Variants in NFATC3 observed in about 807,000 individuals in gnomAD.
NFATC3 encodes nuclear factor of activated T cells 3.
NFATC3 carries 46 observed loss-of-function variants against 98.6 expected under a neutral mutation model. That is an observed-to-expected ratio of 0.47 (90% CI 0.37 to 0.60). The LOEUF is 0.60. Ranked by LOEUF, NFATC3 falls within the 20% of genes least tolerant of loss-of-function variation. The probability of loss-of-function intolerance (pLI) is 0.00; values close to 1 mark genes in which losing one functional copy is unlikely to be tolerated. For synonymous variants in NFATC3, 512 were observed against 472.2 expected (o/e 1.08, Z -1.09); for missense variants, 1,256 against 1,295.5 (o/e 0.97, Z 0.47).
At chr16:68,113,084 T>G (rs1307946742) in intron 1 of NFATC3, among the ~76,000 whole-genome samples, 1 of 152,178 alleles carries the variant, frequency 6.6e-6, no homozygotes, top group Non-Finnish European at 1.5e-5. Flanking sequence ...GAAGCCTACT[T>G]CTGTCAATTC....
chr16:68,112,646 GTTTTT>G (rs914607835), intron 1 of NFATC3, among the ~76,000 whole-genome samples: 3 of 97,644 alleles, frequency 3.1e-5, no homozygotes, highest in Non-Finnish European at 5.7e-5. Flanking sequence ...TTTCTTTTTC[GTTTTT>G]TTTTTTTTTT....
At chr16:68,206,349 G>T in intron 9 of NFATC3, among the ~76,000 whole-genome samples, 1 of 152,148 alleles carries the variant, frequency 6.6e-6, no homozygotes, top group Non-Finnish European at 1.5e-5. Context: ...ATTTCCAGAA[G>T]TTTTTCATCA....
chr16:68,176,034 G>A (rs917519063), intron 6 of NFATC3, among the ~76,000 whole-genome samples: 1 of 150,344 alleles, frequency 6.7e-6, no homozygotes, highest in Non-Finnish European at 1.5e-5. Context: ...GCTGGAGTGC[G>A]GTGGCACTAT....
intron 2 of NFATC3, among the ~76,000 whole-genome samples, chr16:68,123,821 C>CA (rs1344028353): frequency 7.4e-6 from 1 of 134,842 alleles, no homozygotes; most frequent in Non-Finnish European, 1.8e-5. Flanking sequence ...CGTGTCTCTA[C>CA]AAAAAATACA....
At position 68,221,652 on chromosome 16, in the gene NFATC3, G is replaced by A. The variant is rs911734967; in HGVS notation, c.3107-4698G>A. On this transcript the variant is annotated intron_variant, in intron 9 of 9. Coordinates refer to ENST00000346183, the MANE Select transcript of NFATC3 (RefSeq NM_173165.3). ...GTGAATTCATAAATAAGTGAATCCT[G>A]TAGTATAATGTATAGTTGAGTATAG... The A allele has an allele frequency of 1.8e-5, 17 of 941,220 alleles. No individual in the cohort carries two copies. In the African/African-American group the frequency reaches 2.6e-4, roughly 15 times the overall value. The allele number at this position is 941,220 out of a possible 1,614,324, so 58.3% of individuals were successfully genotyped here.
At chr16:68,180,664 C>T (rs1047318108) in intron 6 of NFATC3, among the ~76,000 whole-genome samples, 2 of 152,114 alleles carry the variant, frequency 1.3e-5, no homozygotes, top group Admixed American at 1.3e-4. Flanking sequence ...CCCCACCCCA[C>T]GACAGGCCCC....
chr16:68,107,397 G>A (rs897692137), intron 1 of NFATC3, among the ~76,000 whole-genome samples: 23 of 151,922 alleles, frequency 1.5e-4, no homozygotes, highest in African/African-American at 5.1e-4. Context: ...TCTCAGCCTC[G>A]CCAACATCTG....
intron 1 of NFATC3, chr16:68,089,245 G>A (rs2034570312): frequency 6.1e-6 from 6 of 985,408 alleles, no homozygotes; most frequent in Non-Finnish European, 7.2e-6. Flanking sequence ...GCTGAATTTA[G>A]TGAATGTCCT....
intron 1 of NFATC3, among the ~76,000 whole-genome samples, chr16:68,107,623 TGA>T (rs1447288862): frequency 3.9e-5 from 6 of 152,026 alleles, no homozygotes; most frequent in Admixed American, 3.9e-4. Flanking sequence ...CTTGGGAGGC[TGA>T]GACAGGAGAA....
intron 9 of NFATC3, among the ~76,000 whole-genome samples, chr16:68,196,310 G>T (rs374313705): frequency 2.6e-5 from 4 of 151,950 alleles, no homozygotes; most frequent in Admixed American, 6.6e-5. Context: ...TAGTAGAGAC[G>T]GGGTTTCGCC....
chr16:68,205,353 T>A (rs1171400358), intron 9 of NFATC3, among the ~76,000 whole-genome samples: 3 of 152,060 alleles, frequency 2.0e-5, no homozygotes, highest in Non-Finnish European at 2.9e-5. Context: ...GCTCCAGCAT[T>A]TCTCTCCCAC....
At chr16:68,121,242 C>CTTTTTT (rs753615194) in intron 1 of NFATC3, among the ~76,000 whole-genome samples, 971 of 102,246 alleles carry the variant, frequency 9.5e-3, no homozygotes, top group Non-Finnish European at 0.011. Context: ...CTTTTCTTTT[C>CTTTTTT]TTTTTTTTTT....
At position 68,191,243 on chromosome 16, in the gene NFATC3, T is replaced by C. The variant is rs1308145761; in HGVS notation, c.2574T>C (p.Asn858=). Residue 858 remains asparagine, a synonymous_variant, in exon 9 of 10, where the codon AAT becomes AAC. Transcript: ENST00000346183. ...CATCCATACCATTTCATTCTTCAAA[T>C]TCAGGCTCAACAGGACATCTCTTAG... The part of the protein sequence containing the change: ...PLSSIPFHSS[N]SGSTGHLLAH... 1.6e-5 allele frequency: 26 copies of C among 1,614,194 alleles called. No homozygotes were observed. The highest frequency in any genetic ancestry group is 1.9e-5 in the Non-Finnish European group (22 of 1,180,040).
intron 1 of NFATC3, among the ~76,000 whole-genome samples, chr16:68,113,444 G>T (rs2036091305): frequency 6.6e-6 from 1 of 152,226 alleles, no homozygotes; most frequent in South Asian, 2.1e-4. Context: ...CTGCAGAACA[G>T]CAAAGATGGC....
intron 6 of NFATC3, among the ~76,000 whole-genome samples, chr16:68,174,885 T>C (rs1236425972): frequency 2.0e-5 from 3 of 152,178 alleles, no homozygotes; most frequent in Non-Finnish European, 4.4e-5. Context: ...TTAAGATGTC[T>C]GAAAAGTAGA....
intron 1 of NFATC3, 95 bp from the exon 2 acceptor site, chr16:68,121,889 ATTG>A (rs2036600417): frequency 7.3e-7 from 1 of 1,377,936 alleles, no homozygotes; most frequent in Non-Finnish European, 9.7e-7. Context: ...TTCTCTCGAG[ATTG>A]TTATTATTTA....
At chr16:68,136,625 G>A (rs1176503902) in intron 3 of NFATC3, among the ~76,000 whole-genome samples, 2 of 152,270 alleles carry the variant, frequency 1.3e-5, no homozygotes, top group East Asian at 1.9e-4. Flanking sequence ...AGCAAGTACA[G>A]TCATATGTCA....
rs2039743651 is a variant in NFATC3, at chr16:68,177,023, TTTTCTTTTC to T, written c.1915+2513_1915+2521del. The stretch of plus-strand genomic sequence containing the variant: ...GGTCATATATATTTTTCTTTCTTTC[TTTTCTTTTC>T]TTTTTTTTTTTTTTGTTTTTTTAAT... On this transcript the variant is annotated intron_variant, in intron 6 of 9. Coordinates refer to ENST00000346183, the MANE Select transcript of NFATC3 (RefSeq NM_173165.3). 4.7e-5 allele frequency among the ~76,000 whole-genome samples: 7 copies of T among 147,604 alleles called. No homozygotes were observed. In the South Asian group the frequency reaches 1.3e-3, roughly 28 times the overall value.
intron 5 of NFATC3, among the ~76,000 whole-genome samples, chr16:68,167,825 TTTTTTTTTTTTTTTTTTTTTTTTTG>T (rs2039277633): frequency 1.1e-5 from 1 of 88,912 alleles, no homozygotes. Context: ...TTTTTTTTTT[TTTTTTTTTTTTTTTTTTTTTTTTTG>T]AGACGGAGAT....
Sources: allele counts gnomAD v4.1 joint callset (sites outside exome capture counted in the v4.1 genomes callset), GRCh38; gene constraint gnomAD v4.1.1; transcripts MANE v1.5; gene names NCBI Gene and HGNC (gene_info 2026-07-23, HGNC 2026-07-21).